NOL10: variants seen among roughly 807,000 people sequenced by gnomAD.
NOL10 encodes the protein nucleolar protein 10, also known as H_NH0074G24.1.
In NOL10, 58 loss-of-function variants were observed where a neutral mutation model predicts 103.5. The observed-to-expected ratio is 0.56, with a 90% CI of 0.45 to 0.70. The LOEUF (loss-of-function observed/expected upper bound fraction) is 0.70. NOL10 is among the 30% of genes least tolerant of loss of function. NOL10 has a pLI of 0.00. For missense variants in NOL10, 763 were observed against 807.3 expected (o/e 0.95, Z 0.67); for synonymous variants, 287 against 282.5 (o/e 1.02, Z -0.16).
At chr2:10,627,701 A>AAC (rs1198628823) in intron 13 of NOL10, among the ~76,000 whole-genome samples, 1 of 150,594 alleles carries the variant, frequency 6.6e-6, no homozygotes, top group African/African-American at 2.4e-5. Flanking sequence ...CAAACAAACA[A>AAC]AAAAAAACAA....
At chr2:10,592,950 T>C (rs1164943150) in intron 17 of NOL10, among the ~76,000 whole-genome samples, 1 of 152,112 alleles carries the variant, frequency 6.6e-6, no homozygotes, top group Non-Finnish European at 1.5e-5. Context: ...ATCCGTCCTA[T>C]AAATACCCGT....
At chr2:10,622,970 C>T (rs373095817) in intron 13 of NOL10, among the ~76,000 whole-genome samples, 2 of 152,090 alleles carry the variant, frequency 1.3e-5, no homozygotes, top group East Asian at 3.9e-4. Flanking sequence ...TCCATCACTC[C>T]CCCACGAATC....
chr2:10,675,468 C>T (rs953445528), intron 4 of NOL10, among the ~76,000 whole-genome samples: 63 of 151,912 alleles, frequency 4.1e-4, no homozygotes, highest in Non-Finnish European at 4.4e-5. Flanking sequence ...GGGGGGGGTG[C>T]ATTCTCTGAA....
chr2:10,674,613 G>A (rs974137777), intron 4 of NOL10, among the ~76,000 whole-genome samples: 4 of 151,972 alleles, frequency 2.6e-5, no homozygotes, highest in Admixed American at 2.6e-4. Context: ...GTCGAGGCGG[G>A]TGGATCACGA....
chr2:10,622,222 A>G, intron 13 of NOL10: 1 of 469,142 alleles, frequency 2.1e-6, no homozygotes, highest in Non-Finnish European at 4.4e-6. Flanking sequence ...CTACACAACA[A>G]AACACTATGC....
intron 6 of NOL10, among the ~76,000 whole-genome samples, chr2:10,669,615 G>A (rs1389195165): frequency 6.6e-6 from 1 of 151,242 alleles, no homozygotes; most frequent in Non-Finnish European, 1.5e-5. Context: ...ACACAGGGCT[G>A]GGCAGCGGTG....
At chr2:10,661,042 T>C (rs1359860760) in intron 9 of NOL10, among the ~76,000 whole-genome samples, 1 of 152,184 alleles carries the variant, frequency 6.6e-6, no homozygotes, top group African/African-American at 2.4e-5. Flanking sequence ...ATGTTTGTGT[T>C]CACTGCTTTT....
At chr2:10,669,479 T>C (rs1680777769) in intron 6 of NOL10, among the ~76,000 whole-genome samples, 1 of 133,050 alleles carries the variant, frequency 7.5e-6, no homozygotes, top group African/African-American at 2.8e-5. Flanking sequence ...TATATATATA[T>C]ATACACACAC....
chr2:10,608,489 T>C (rs6432116), intron 13 of NOL10, among the ~76,000 whole-genome samples: 89,950 of 151,974 alleles, frequency 0.59, 27,631 homozygotes, highest in African/African-American at 0.74. Flanking sequence ...ACAGAGAAGA[T>C]ATGCTAGCGA....
Position 10,602,891 on chromosome 2 carries a change from A to T in NOL10, c.1234-17T>A, listed in dbSNP as rs372650555. ...CAGTTTCACCTTTTCAAAATGAAAA[A>T]AGTTTTTAAAATAAAAGAATGGTAT... On this transcript the variant is annotated splice_polypyrimidine_tract_variant and intron_variant, in intron 15 of 20. Transcript: ENST00000381685. 6.5e-7 allele frequency: 1 copy of T among 1,539,464 alleles called. No individual in the cohort carries two copies. The highest frequency in any genetic ancestry group is 8.9e-7 in the Non-Finnish European group (1 of 1,125,020).
intron 17 of NOL10, among the ~76,000 whole-genome samples, chr2:10,591,734 T>C (rs1233348245): frequency 6.6e-6 from 1 of 151,994 alleles, no homozygotes; most frequent in Non-Finnish European, 1.5e-5. Flanking sequence ...GGCCAGGTGG[T>C]GGTTCATGCC....
chr2:10,614,002 C>T (rs903657016), intron 13 of NOL10, among the ~76,000 whole-genome samples: 2 of 151,816 alleles, frequency 1.3e-5, no homozygotes, highest in African/African-American at 2.4e-5. Flanking sequence ...CTCTGTCACC[C>T]AGGCTGAAGT....
chr2:10,576,492 TG>T (rs1429856857), intron 20 of NOL10, among the ~76,000 whole-genome samples: 1 of 152,180 alleles, frequency 6.6e-6, no homozygotes, highest in African/African-American at 2.4e-5. Context: ...TAGCAAAATG[TG>T]TTATATACGT....
chr2:10,596,887 G>A (rs1675720298), intron 17 of NOL10, among the ~76,000 whole-genome samples: 1 of 152,192 alleles, frequency 6.6e-6, no homozygotes, highest in Non-Finnish European at 1.5e-5. Flanking sequence ...AAATCAAACA[G>A]ATCACAGATG....
At chr2:10,632,874 G>A (rs1252815536) in intron 13 of NOL10, among the ~76,000 whole-genome samples, 2 of 152,072 alleles carry the variant, frequency 1.3e-5, no homozygotes, top group African/African-American at 4.8e-5. Context: ...TGGTTATGTT[G>A]CCCAGGCTAG....
At chr2:10,601,018 C>T in intron 16 of NOL10, 76 bp from the exon 17 acceptor site, 1 of 824,316 alleles carries the variant, frequency 1.2e-6, no homozygotes, top group Non-Finnish European at 1.9e-6. Context: ...TAAAGGTAAA[C>T]AGTTGTGTAA....
chr2:10,675,015 CA>C (rs1461817464), intron 4 of NOL10, among the ~76,000 whole-genome samples: 1 of 152,078 alleles, frequency 6.6e-6, no homozygotes, highest in Non-Finnish European at 1.5e-5. Context: ...CCAGCCTGGG[CA>C]ACATGGCTAG....
chr2:10,616,908 G>A (rs1330935917), intron 13 of NOL10, among the ~76,000 whole-genome samples: 1 of 151,964 alleles, frequency 6.6e-6, no homozygotes, highest in South Asian at 2.1e-4. Flanking sequence ...ATTCAACAAA[G>A]AGTTACCTCC....
intron 8 of NOL10, among the ~76,000 whole-genome samples, chr2:10,665,619 T>G (rs1680517892): frequency 6.6e-6 from 1 of 152,208 alleles, no homozygotes. Context: ...TTAAACCAGC[T>G]GCTGGAAGAG....
Sources: allele counts gnomAD v4.1 joint callset (sites outside exome capture counted in the v4.1 genomes callset), GRCh38; gene constraint gnomAD v4.1.1; transcripts MANE v1.5; gene names NCBI Gene and HGNC (gene_info 2026-07-23, HGNC 2026-07-21).